The following RPS6KA6 variants were observed in gnomAD, a reference collection of about 807,000 sequenced individuals.
The protein encoded by RPS6KA6 is ribosomal protein S6 kinase A6, also known as ribosomal protein S6 kinase alpha-6.
RPS6KA6 carries 27 observed loss-of-function variants against 65.4 expected under a neutral mutation model. That is an observed-to-expected ratio of 0.41 (90% CI 0.30 to 0.57). The LOEUF (loss-of-function observed/expected upper bound fraction) is 0.57. Among genes scored for constraint, RPS6KA6 ranks in the 20% least tolerant of loss-of-function variants. RPS6KA6 has a pLI of 0.24. For missense variants in RPS6KA6, 486 were observed against 555.6 expected (o/e 0.87, Z 1.26); for synonymous variants, 190 against 184.2 (o/e 1.03, Z -0.26).
At chrX:84,138,056 G>GT (rs2035025604) in intron 6 of RPS6KA6, among the ~76,000 whole-genome samples, 1 of 111,592 alleles carries the variant, frequency 9.0e-6, no homozygotes, top group African/African-American at 3.3e-5. Context: ...GCTTTTTTAT[G>GT]TAAGTAAGAT....
At chrX:84,075,237 A>AAACG (rs1374827617) in intron 20 of RPS6KA6, among the ~76,000 whole-genome samples, 2 of 98,091 alleles carry the variant, frequency 2.0e-5, no homozygotes, top group African/African-American at 3.8e-5. Flanking sequence ...GTCGCAAAAC[A>AAACG]AACAAACAAA....
intron 20 of RPS6KA6, 63 bp from the exon 21 acceptor site, chrX:84,065,174 G>A (rs6622902): frequency 0.063 from 51,900 of 825,417 alleles, 1,660 homozygotes; most frequent in East Asian, 0.25. Flanking sequence ...TTTTACATTT[G>A]CTGAAAATGT....
chrX:84,153,581 AAGGCTT>A (rs2147575798), intron 3 of RPS6KA6, among the ~76,000 whole-genome samples: 1 of 111,915 alleles, frequency 8.9e-6, no homozygotes, highest in Non-Finnish European at 1.9e-5. Flanking sequence ...TTAATGTTAT[AAGGCTT>A]TATATGGGCT....
chrX:84,116,579 T>C (rs2034571145), intron 11 of RPS6KA6, among the ~76,000 whole-genome samples: 1 of 111,172 alleles, frequency 9.0e-6, no homozygotes, highest in Non-Finnish European at 1.9e-5. Context: ...ATTTATCTTA[T>C]GACCTCATAT....
chrX:84,176,541 A>C lies in RPS6KA6; in HGVS notation c.81+11278T>G, dbSNP rs751805003. On this transcript the variant is annotated intron_variant, in intron 1 of 21. Coordinates refer to ENST00000262752, the MANE Select transcript of RPS6KA6 (RefSeq NM_014496.5). ...GAAGTACTTTGTCTAGAACACCTAA[A>C]TCTTTAGTCATTTTTTGAAAGGAAA... is the stretch of plus-strand genomic sequence containing the variant. Among the ~76,000 whole-genome samples the C allele has an allele frequency of 4.5e-5, 5 of 112,168 alleles. No homozygotes were observed. The East Asian group carries it at 1.4e-3, about 31-fold the overall frequency.
intron 20 of RPS6KA6, among the ~76,000 whole-genome samples, chrX:84,079,204 C>T (rs986377054): frequency 2.7e-5 from 3 of 110,612 alleles, no homozygotes; most frequent in Admixed American, 9.6e-5. Flanking sequence ...ACTCAGGAAG[C>T]GCAAGGGGTC....
chrX:84,154,840 G>A (rs2035388516), intron 3 of RPS6KA6, among the ~76,000 whole-genome samples: 1 of 111,215 alleles, frequency 9.0e-6, no homozygotes, highest in South Asian at 3.7e-4. Context: ...TATATTTCAC[G>A]TTATATTCTA....
At chrX:84,079,995 T>C (rs2033757118) in intron 20 of RPS6KA6, among the ~76,000 whole-genome samples, 1 of 111,552 alleles carries the variant, frequency 9.0e-6, no homozygotes, top group South Asian at 3.8e-4. Flanking sequence ...GACTGCCTCC[T>C]CAAGTAGGTC....
chrX:84,107,423 C>A (rs2034381800), intron 13 of RPS6KA6, among the ~76,000 whole-genome samples, 200 bp downstream of exon 13: 1 of 112,405 alleles, frequency 8.9e-6, no homozygotes, highest in African/African-American at 3.2e-5. Context: ...CAAGTTCCTT[C>A]CTTCCTGATA....
chrX:84,140,766 T>TATATATATATATATATATATATATATAG, intron 6 of RPS6KA6, among the ~76,000 whole-genome samples: 1 of 93,147 alleles, frequency 1.1e-5, no homozygotes, highest in Non-Finnish European at 2.1e-5. Context: ...TACATATATA[T>TATATATATATATATATATATATATATAG]ATATATAGTC....
At chrX:84,154,479 A>G (rs2035380182) in intron 3 of RPS6KA6, among the ~76,000 whole-genome samples, 1 of 111,832 alleles carries the variant, frequency 8.9e-6, no homozygotes, top group Admixed American at 9.6e-5. Flanking sequence ...AAGCATTTAT[A>G]CATCTGGAAT....
chrX:84,167,726 G>C (rs2035620224), intron 1 of RPS6KA6, among the ~76,000 whole-genome samples: 1 of 110,988 alleles, frequency 9.0e-6, no homozygotes, highest in Admixed American at 9.6e-5. Context: ...ATTAGTGGTT[G>C]CAAGGAGTTA....
Position 84,178,422 on chromosome X carries a change from T to C in RPS6KA6, c.81+9397A>G, listed in dbSNP as rs182717067. 9.7e-4 allele frequency among the ~76,000 whole-genome samples: 109 copies of C among 112,126 alleles called. No individual in the cohort carries two copies. The South Asian group carries it at 0.012, about 13-fold the overall frequency. On this transcript the variant is annotated intron_variant, in intron 1 of 21. Coordinates refer to ENST00000262752, the MANE Select transcript of RPS6KA6 (RefSeq NM_014496.5). ...GTCTAAGAACAGTCACTTAATGTTT[T>C]GAAAATTAATGACTGCAAAGAAAAT... is the stretch of plus-strand genomic sequence containing the variant.
intron 6 of RPS6KA6, among the ~76,000 whole-genome samples, chrX:84,138,419 C>T (rs944132858): frequency 1.8e-5 from 2 of 109,870 alleles, no homozygotes; most frequent in Non-Finnish European, 3.8e-5. Context: ...GGTATAGTGG[C>T]GCACGCTTCT....
In RPS6KA6 at chrX:84,146,997, A is replaced by G; in HGVS notation, c.402T>C (p.Phe134=). ...ACATACCATAGTGCAATTTGACAAT[A>G]AATGGATGATTTACTTCCACCAGTA... ...RDILVEVNHP[F]IVKLHYAFQT... is the part of the protein sequence containing the mutation. The change falls in exon 5 of 22, where the codon TTT becomes TTC. Residue 134 remains phenylalanine, a synonymous_variant. Coordinates refer to ENST00000262752, the MANE Select transcript of RPS6KA6 (RefSeq NM_014496.5). 8.5e-7 allele frequency: 1 copy of G among 1,173,361 alleles called. No individual in the cohort carries two copies. The highest frequency in any genetic ancestry group is 1.9e-5 in the South Asian group (1 of 52,938).
intron 4 of RPS6KA6, 45 bp downstream of exon 4, chrX:84,147,997 T>C (rs752232020): frequency 1.2e-6 from 1 of 829,681 alleles, no homozygotes; most frequent in Non-Finnish European, 1.7e-6. Flanking sequence ...TTTCTTAAAC[T>C]ACACTTTGTC....
intron 9 of RPS6KA6, among the ~76,000 whole-genome samples, chrX:84,118,451 G>A (rs773855557): frequency 9.9e-5 from 11 of 111,261 alleles, no homozygotes; most frequent in Middle Eastern, 4.6e-3. Context: ...TAATATATAC[G>A]TATTAAGGTC....
rs1407886069 is a variant in RPS6KA6 at position 84,093,762 on chromosome X, A to C, written c.1971+2432T>G. ...CAGTTTTATTCTGCTAATTCCATAA[A>C]AAACAATGTAAACACAAGCATTCTG... On this transcript the variant is annotated intron_variant, in intron 20 of 21. Transcript: ENST00000262752. Among the ~76,000 whole-genome samples the C allele has an allele frequency of 5.4e-5, 6 of 112,021 alleles. No homozygotes were observed. In the Admixed American group the frequency reaches 5.7e-4, roughly 11 times the overall value.
At chrX:84,177,596 T>G (rs749379811) in intron 1 of RPS6KA6, among the ~76,000 whole-genome samples, 1 of 111,835 alleles carries the variant, frequency 8.9e-6, no homozygotes, top group Non-Finnish European at 1.9e-5. Flanking sequence ...TAAAATCAAC[T>G]TAATTAGCAC....
Sources: allele counts gnomAD v4.1 joint callset (sites outside exome capture counted in the v4.1 genomes callset), GRCh38; gene constraint gnomAD v4.1.1; transcripts MANE v1.5; gene names NCBI Gene and HGNC (gene_info 2026-07-23, HGNC 2026-07-21).